PRKAR1A: variants seen among roughly 807,000 people sequenced by gnomAD.
PRKAR1A encodes protein kinase cAMP-dependent type I regulatory subunit alpha.
PRKAR1A carries 3 observed loss-of-function variants against 52.0 expected under a neutral mutation model. That is an observed-to-expected ratio of 0.06 (90% CI 0.03 to 0.15). PRKAR1A has a LOEUF of 0.15. Ranked by LOEUF, PRKAR1A falls within the 10% of genes least tolerant of loss-of-function variation. The probability of loss-of-function intolerance (pLI) is 1.00; values close to 1 mark genes in which losing one functional copy is unlikely to be tolerated. For synonymous variants in PRKAR1A, 188 were observed against 168.4 expected, an observed-to-expected ratio of 1.12 and a Z score of -0.90; for missense variants, 240 against 477.4, an observed-to-expected ratio of 0.50 and a Z score of 4.63.
At chr17:68,450,598 G>A in the PRKAR1A span, 3 of 1,243,614 alleles carry the variant, frequency 2.4e-6, no homozygotes, top group Admixed American at 7.0e-5. Context: ...CGGGACACGG[G>A]GCCTGAGTGT....
the PRKAR1A span, chr17:68,435,524 G>A: frequency 8.3e-7 from 1 of 1,210,680 alleles, no homozygotes; most frequent in Non-Finnish European, 1.2e-6. Context: ...AGACCAGTCA[G>A]TCTTCATGTC....
chr17:68,509,196 G>A (rs376648700), upstream of PRKAR1A, among the ~76,000 whole-genome samples: 7 of 152,034 alleles, frequency 4.6e-5, no homozygotes, highest in Non-Finnish European at 8.8e-5. Flanking sequence ...TTTCTTTTTC[G>A]TTTTTTGAGT....
the PRKAR1A span, chr17:68,444,508 G>C: frequency 6.2e-7 from 1 of 1,613,724 alleles, no homozygotes; most frequent in Non-Finnish European, 8.5e-7. Context: ...GGGTTTGCAG[G>C]AATATCCAGG....
the PRKAR1A span, among the ~76,000 whole-genome samples, chr17:68,504,558 G>A: frequency 1.3e-5 from 2 of 152,174 alleles, no homozygotes; most frequent in African/African-American, 4.8e-5. Context: ...AACAACTGGA[G>A]TTCATTTTGT....
At chr17:68,436,496 A>G in the PRKAR1A span, 1 of 1,610,482 alleles carries the variant, frequency 6.2e-7, no homozygotes, top group Non-Finnish European at 8.5e-7. Context: ...AAGAAGAAAC[A>G]GAACATGAGA....
chr17:68,538,831 G>A (rs1180579786), intron 11 of PRKAR1A, among the ~76,000 whole-genome samples: 1 of 152,240 alleles, frequency 6.6e-6, no homozygotes, highest in Admixed American at 6.5e-5. Flanking sequence ...TATGTGGAAG[G>A]ATGAAAAAGA....
chr17:68,467,536 TAACCAGTGCTCGA>T, the PRKAR1A span, among the ~76,000 whole-genome samples: 1 of 152,344 alleles, frequency 6.6e-6, no homozygotes, highest in Non-Finnish European at 1.5e-5. Flanking sequence ...TTGGGACATC[TAACCAGTGCTCGA>T]TGCCCCAGCA....
chr17:68,477,611 G>A, the PRKAR1A span, among the ~76,000 whole-genome samples: 1 of 151,244 alleles, frequency 6.6e-6, no homozygotes, highest in Non-Finnish European at 1.5e-5. Context: ...AGTGCTTTCT[G>A]GTTTTCTACG....
rs766078520 is a variant in PRKAR1A, at chr17:68,522,830, T to C, written c.252T>C (p.Pro84=). The change falls in exon 3 of 11, where the codon CCT becomes CCC. Residue 84 remains proline, a synonymous_variant. Coordinates refer to ENST00000589228, the MANE Select transcript of PRKAR1A (RefSeq NM_002734.5). ...ACTCAAGGGAGGATGAGATTTCTCC[T>C]CCTCCACCCAACCCAGTGGTTAAAG... ...RTDSREDEIS[P]PPPNPVVKGR... The C allele has an allele frequency of 1.9e-6, 3 of 1,613,900 alleles. No individual in the cohort carries two copies. In the African/African-American group the frequency reaches 4.0e-5, roughly 22 times the overall value.
chr17:68,457,474 C>T, the PRKAR1A span: 1 of 1,368,422 alleles, frequency 7.3e-7, no homozygotes. Flanking sequence ...GCCACCTCAG[C>T]AGCCCGCCCG....
the PRKAR1A span, among the ~76,000 whole-genome samples, chr17:68,454,169 C>T: frequency 6.6e-6 from 1 of 152,186 alleles, no homozygotes; most frequent in African/African-American, 2.4e-5. Flanking sequence ...ACATCAAAGT[C>T]AACTTTGTTC....
the PRKAR1A span, chr17:68,430,230 C>T: frequency 5.3e-6 from 8 of 1,500,242 alleles, no homozygotes; most frequent in Non-Finnish European, 7.2e-6. Flanking sequence ...AATCTCCACA[C>T]CCAAGCGTCA....
chr17:68,445,043 C>T, the PRKAR1A span, among the ~76,000 whole-genome samples: 6 of 151,726 alleles, frequency 4.0e-5, no homozygotes, highest in African/African-American at 1.5e-4. Flanking sequence ...GCATCAGCCT[C>T]CTGAGTAGCT....
intron 2 of PRKAR1A, among the ~76,000 whole-genome samples, chr17:68,516,132 A>T (rs142791826): frequency 6.6e-6 from 1 of 152,098 alleles, no homozygotes; most frequent in South Asian, 2.1e-4. Flanking sequence ...ATTTTACTCC[A>T]TTTTATTGGT....
Position 68,522,902 on chromosome 17 carries a change from A to T in PRKAR1A, c.324A>T (p.Glu108Asp). 6.2e-7 allele frequency: 1 copy of T among 1,613,928 alleles called. No homozygotes were observed. Among genetic ancestry groups the T allele is most frequent in the Non-Finnish European group, 8.5e-7 (1 of 1,179,852 alleles). ...TCAGCGCTGAGGTCTACACGGAGGA[A>T]GATGCGGCATCCTATGTTAGAAAGG... ...GAISAEVYTEEDAASYVRKVI... is the reference protein window; with the variant it reads ...GAISAEVYTEDDAASYVRKVI... The change falls in exon 3 of 11, where the codon GAA becomes GAT. Residue 108 changes from glutamate (E) to aspartate (D), a missense_variant. Transcript: ENST00000589228.
At chr17:68,424,707 C>A in the PRKAR1A span, among the ~76,000 whole-genome samples, 3 of 152,148 alleles carry the variant, frequency 2.0e-5, no homozygotes, top group African/African-American at 7.2e-5. Context: ...GAAACCCCGT[C>A]TCTACTAAAA....
At chr17:68,434,762 C>A in the PRKAR1A span, 2 of 810,362 alleles carry the variant, frequency 2.5e-6, no homozygotes, top group Non-Finnish European at 3.9e-6. Flanking sequence ...AGCATAGAGG[C>A]ATGTTTATTT....
At chr17:68,486,678 A>C in the PRKAR1A span, among the ~76,000 whole-genome samples, 1 of 150,610 alleles carries the variant, frequency 6.6e-6, no homozygotes, top group Non-Finnish European at 1.5e-5. Context: ...AAAATAAATT[A>C]TGCTCATTGT....
chr17:68,535,162 A>G (rs775486309), downstream of PRKAR1A: 2 of 411,022 alleles, frequency 4.9e-6, no homozygotes, highest in Non-Finnish European at 9.7e-6. Context: ...ACAGTTCAAA[A>G]TGAACATGCT....
Sources: allele counts gnomAD v4.1 joint callset (sites outside exome capture counted in the v4.1 genomes callset), GRCh38; gene constraint gnomAD v4.1.1; transcripts MANE v1.5; gene names NCBI Gene and HGNC (gene_info 2026-07-23, HGNC 2026-07-21).